The following KLHDC10 variants were observed in gnomAD, a reference collection of about 807,000 sequenced individuals.
KLHDC10 encodes kelch domain-containing protein 10.
KLHDC10 carries 24 observed loss-of-function variants against 56.1 expected under a neutral mutation model. The ratio of observed to expected loss-of-function variants is 0.43; its 90% confidence interval spans 0.31 to 0.60. The LOEUF (loss-of-function observed/expected upper bound fraction) is 0.60, where lower values mean the gene tolerates loss of function less well. Among genes scored for constraint, KLHDC10 ranks in the 20% least tolerant of loss-of-function variants. The probability of loss-of-function intolerance (pLI) is 0.11; values close to 1 mark genes in which losing one functional copy is unlikely to be tolerated. For missense variants in KLHDC10, 349 were observed against 567.0 expected (o/e 0.62, Z 3.91); for synonymous variants, 188 against 207.1 (o/e 0.91, Z 0.79).
In KLHDC10 at chr7:130,116,121, A is replaced by G. The variant is rs146900776; in HGVS notation, c.254-324A>G. ...TTGTCCTGTTAGCTTTTGGATTATT[A>G]AATCTTTCCTCCTTCTTTTCTTGAA... On this transcript the variant is annotated intron_variant, in intron 2 of 9. Transcript: ENST00000335420. This position sits in a 1 kb window ranked among gnomAD's most constrained non-coding sequence, Gnocchi z 4.8. 2.4e-3 allele frequency among the ~76,000 whole-genome samples: 373 copies of G among 152,282 alleles called. 1 individual carries two copies. Among genetic ancestry groups the G allele is most frequent in the African/African-American group, 8.4e-3 (351 of 41,568 alleles).
intron 2 of KLHDC10, among the ~76,000 whole-genome samples, chr7:130,107,270 G>T (rs1347128823): frequency 2.0e-5 from 3 of 151,976 alleles, no homozygotes; most frequent in Non-Finnish European, 4.4e-5. Flanking sequence ...CCAGGAAAAA[G>T]AAAAAAGAAG....
intron 2 of KLHDC10, among the ~76,000 whole-genome samples, chr7:130,100,238 A>G (rs1483069790): frequency 2.6e-5 from 4 of 152,318 alleles, no homozygotes; most frequent in South Asian, 4.1e-4. Context: ...CATTAATAGC[A>G]TATCCTTTAA....
In KLHDC10 at chr7:130,133,410, G is replaced by T. The variant is rs1013875243; in HGVS notation, c.*2664G>T. The T allele has an allele frequency of 4.6e-5, 7 of 152,190 alleles. No individual in the cohort carries two copies. The highest frequency in any genetic ancestry group is 1.2e-4 in the African/African-American group (5 of 41,460). The allele number at this position is 152,190 out of a possible 1,614,324, so 9.4% of individuals were successfully genotyped here. On this transcript the variant is annotated 3_prime_UTR_variant, in exon 10 of 10. Coordinates refer to ENST00000335420, the MANE Select transcript of KLHDC10 (RefSeq NM_014997.4). Reference sequence around the variant, plus strand: ...ATATAGAAACATATGGATATATACAGATTATATATAGGGTGTAACTATAAA... The same window carrying T: ...ATATAGAAACATATGGATATATACATATTATATATAGGGTGTAACTATAAA...
intron 1 of KLHDC10, among the ~76,000 whole-genome samples, chr7:130,083,672 C>T (rs560379468): frequency 1.8e-3 from 279 of 152,206 alleles, no homozygotes; most frequent in Non-Finnish European, 2.2e-3. Flanking sequence ...ATTGCTTGAA[C>T]CCGGGAGGTG....
At chr7:130,128,112 A>G (rs1276884874) in intron 8 of KLHDC10, among the ~76,000 whole-genome samples, 1 of 152,240 alleles carries the variant, frequency 6.6e-6, no homozygotes, top group East Asian at 1.9e-4. Flanking sequence ...TTCAGATACA[A>G]CTAGGATTAT....
At chr7:130,091,988 A>G (rs1396838532) in intron 1 of KLHDC10, among the ~76,000 whole-genome samples, 2 of 152,248 alleles carry the variant, frequency 1.3e-5, no homozygotes, top group South Asian at 2.1e-4. Flanking sequence ...ATGTAAAACT[A>G]TATCCAAGTG....
At position 130,122,147 on chromosome 7, in the gene KLHDC10, A is replaced by G; in HGVS notation, c.724A>G (p.Arg242Gly). The change falls in exon 5 of 10, where the codon AGA becomes GGA. Residue 242 changes from arginine (R) to glycine (G), a missense_variant. Arg to Gly is a moderately radical substitution (Grantham distance 125, BLOSUM62 -2). Around this residue, in one of 2 missense-constraint regions of KLHDC10, gnomAD observed 245 missense variants for 470.1 expected, o/e 0.52. Coordinates refer to ENST00000335420, the MANE Select transcript of KLHDC10 (RefSeq NM_014997.4). Reference sequence around the variant, plus strand: ...CCTGCACAAGTTAGATCTCAATACCAGAGAGTGGACACAACTGAAACCAAA... The same window carrying G: ...CCTGCACAAGTTAGATCTCAATACCGGAGAGTGGACACAACTGAAACCAAA... ...TDLHKLDLNTREWTQLKPNNL... is the reference protein window; with the variant it reads ...TDLHKLDLNTGEWTQLKPNNL... 6.2e-7 allele frequency: 1 copy of G among 1,614,098 alleles called. No individual in the cohort carries two copies. The highest frequency in any genetic ancestry group is 8.5e-7 in the Non-Finnish European group (1 of 1,179,968).
At chr7:130,125,017 G>T (rs1308641888) in intron 6 of KLHDC10, among the ~76,000 whole-genome samples, 1 of 152,196 alleles carries the variant, frequency 6.6e-6, no homozygotes, top group African/African-American at 2.4e-5. Context: ...GGGGAACCTA[G>T]ATTAGGCTGT....
At position 130,129,564 on chromosome 7, in the gene KLHDC10, A is replaced by C. The variant is rs775772607; in HGVS notation, c.1107A>C (p.Ala369=). ...TMPEPVYFHC[A]AVTPAGCMYI... ...CAGAGCCAGTTTATTTTCACTGTGC[A>C]GCTGTTACACCAGTAAGTTTTTATT... Residue 369 remains alanine, a synonymous_variant, in exon 9 of 10, where the codon GCA becomes GCC. Transcript: ENST00000335420. The C allele has an allele frequency of 1.5e-5, 25 of 1,613,882 alleles. No individual in the cohort carries two copies. The highest frequency in any genetic ancestry group is 1.9e-5 in the Non-Finnish European group (22 of 1,179,974).
At position 130,133,313 on chromosome 7, in the gene KLHDC10, T is replaced by G. The variant is rs1173809416; in HGVS notation, c.*2567T>G. On this transcript the variant is annotated 3_prime_UTR_variant, in exon 10 of 10. Coordinates refer to ENST00000335420, the MANE Select transcript of KLHDC10 (RefSeq NM_014997.4). The stretch of plus-strand genomic sequence containing the variant: ...TGTTTACTTGATTTAGGAAAGTTTA[T>G]GCCTGCTGCTTCTCTGCCTCTTTGA... The G allele has an allele frequency of 6.6e-6, 1 of 152,242 alleles. No individual in the cohort carries two copies. Among genetic ancestry groups the G allele is most frequent in the African/African-American group, 2.4e-5 (1 of 41,466 alleles). The allele number at this position is 152,242 out of a possible 1,614,324, so 9.4% of individuals were successfully genotyped here.
At chr7:130,086,548 G>T (rs190117008) in intron 1 of KLHDC10, among the ~76,000 whole-genome samples, 32 of 152,272 alleles carry the variant, frequency 2.1e-4, no homozygotes, top group African/African-American at 7.7e-4. Context: ...TTGCATATAT[G>T]TGCATATAGG....
In KLHDC10 at chr7:130,081,309, AT is replaced by A. The variant is rs998402354; in HGVS notation, c.166+10509del. Among the ~76,000 whole-genome samples, 251 of 130,046 alleles carry A rather than the reference AT, an allele frequency of 1.9e-3. 1 individual carries two copies. Among genetic ancestry groups the A allele is most frequent in the African/African-American group, 6.7e-3 (239 of 35,570 alleles). The allele number at this position is 130,046 out of a possible 152,430, so 85.3% of individuals were successfully genotyped here. A position where few individuals can be genotyped will look rare whatever the true frequency, so the allele number is the denominator to read the frequency against. On this transcript the variant is annotated intron_variant, in intron 1 of 9. Transcript: ENST00000335420. ...CCACCGCGCCTGGCCTCTTTTATAT[AT>A]TTTTTTTTGTTTGTTTTTTATTTTT...
In KLHDC10 at chr7:130,081,541, ACTC is replaced by A. The variant is rs1795607713; in HGVS notation, c.166+10735_166+10737del. Among the ~76,000 whole-genome samples, 5 of 137,966 alleles carry A rather than the reference ACTC, an allele frequency of 3.6e-5. No individual in the cohort carries two copies. In the South Asian group the frequency reaches 1.2e-3, roughly 32 times the overall value. 90.5% of individuals were successfully genotyped at this position (137,966 alleles called of 152,430 possible). ...ACCGTGTTGCCCAGGCTGGTTTTGA[ACTC>A]CTGAGCTCAGGCAGTCCACCTGCCT... On this transcript the variant is annotated intron_variant, in intron 1 of 9. Transcript: ENST00000335420.
rs2116923835 is a variant in KLHDC10, at chr7:130,130,006, G to A, written c.1119+430G>A. 6.6e-6 allele frequency among the ~76,000 whole-genome samples: 1 copy of A among 152,156 alleles called. No homozygotes were observed. The highest frequency in any genetic ancestry group is 1.9e-4 in the East Asian group (1 of 5,176). On this transcript the variant is annotated intron_variant, in intron 9 of 9. Coordinates refer to ENST00000335420, the MANE Select transcript of KLHDC10 (RefSeq NM_014997.4). This position sits in a 1 kb window ranked among gnomAD's most constrained non-coding sequence, Gnocchi z 4.2. ...TTAGTTAATAGTGAAATTGTTTGTT[G>A]TTGAAGTAAAAAAAAATTCATATAT...
At chr7:130,110,966 A>T (rs1164487077) in intron 2 of KLHDC10, among the ~76,000 whole-genome samples, 1 of 152,216 alleles carries the variant, frequency 6.6e-6, no homozygotes, top group East Asian at 1.9e-4. Flanking sequence ...ATATATTTAC[A>T]TTCATATATT....
At chr7:130,079,878 C>CCCTCCCTTCCTCCCTTTCTTCCTCCT (rs1563096343) in intron 1 of KLHDC10, among the ~76,000 whole-genome samples, 6 of 124,246 alleles carry the variant, frequency 4.8e-5, no homozygotes, top group African/African-American at 7.5e-5. Flanking sequence ...TTCTTCCTCC[C>CCCTCCCTTCCTCCCTTTCTTCCTCCT]TCCCTCCCTT....
Position 130,070,757 on chromosome 7 carries a change from G to GGGGGGGGGGGGGGGGGGC in KLHDC10, c.114_115insGGGGGGGGGGGGGGGGGC (p.Gly38_Thr39insGlyGlyGlyGlyGlyGly). 9.8e-7 allele frequency: 1 copy of GGGGGGGGGGGGGGGGGGC among 1,018,166 alleles called. No homozygotes were observed. The highest frequency in any genetic ancestry group is 1.3e-6 in the Non-Finnish European group (1 of 764,034). 63.1% of individuals were successfully genotyped at this position (1,018,166 alleles called of 1,614,324 possible). On this transcript the variant is annotated inframe_insertion, in exon 1 of 10. Transcript: ENST00000335420. ...GCAGTGGGGGCAGCGGGGGTCGGGGGACTGGCCAGCTCAACCGCTTCGTGC... is the reference window on the plus strand; with the variant it reads ...GCAGTGGGGGCAGCGGGGGTCGGGGGGGGGGGGGGGGGGGGGGCACTGGCCAGCTCAACCGCTTCGTGC...
At chr7:130,128,915 T>C (rs1250295911) in intron 8 of KLHDC10, among the ~76,000 whole-genome samples, 2 of 130,344 alleles carry the variant, frequency 1.5e-5, no homozygotes, top group African/African-American at 3.0e-5. Context: ...TATATATATA[T>C]ATATACATAC....
chr7:130,090,772 G>A (rs1795761069), intron 1 of KLHDC10, among the ~76,000 whole-genome samples: 1 of 136,892 alleles, frequency 7.3e-6, no homozygotes, highest in South Asian at 2.8e-4. Flanking sequence ...ATACTCGTGT[G>A]TGTGTGTGTG....
Sources: allele counts gnomAD v4.1 joint callset (sites outside exome capture counted in the v4.1 genomes callset), GRCh38; gene constraint gnomAD v4.1.1; regional missense constraint gnomAD v4.1.1; non-coding constraint Gnocchi (gnomAD v3.1); transcripts MANE v1.5; gene names NCBI Gene and HGNC (gene_info 2026-07-23, HGNC 2026-07-21).